The following SPG11 variants were observed in gnomAD, a reference collection of about 807,000 sequenced individuals.
The protein encoded by SPG11 is SPG11 vesicle trafficking associated, spatacsin.
SPG11 carries 222 observed loss-of-function variants against 274.0 expected under a neutral mutation model. The observed-to-expected ratio is 0.81, with a 90% CI of 0.73 to 0.91. The LOEUF (loss-of-function observed/expected upper bound fraction) is 0.91, where lower values mean the gene tolerates loss of function less well. Among genes scored for constraint, SPG11 ranks in the 40% least tolerant of loss-of-function variants. SPG11 has a pLI of 0.00. For synonymous variants in SPG11, 1,144 were observed against 1,039.7 expected (o/e 1.10, Z -1.93); for missense variants, 3,114 against 2,872.7 (o/e 1.08, Z -1.92).
At chr15:44,651,256 T>C (rs935708092) in intron 6 of SPG11, among the ~76,000 whole-genome samples, 3 of 152,170 alleles carry the variant, frequency 2.0e-5, no homozygotes, top group Non-Finnish European at 4.4e-5. Context: ...ATAATAATAA[T>C]AAACTTCATT....
chr15:44,659,130 T>C lies in SPG11; in HGVS notation c.616A>G (p.Thr206Ala), dbSNP rs2085027776. The C allele has an allele frequency of 1.2e-6, 2 of 1,614,212 alleles. No homozygotes were observed. Among genetic ancestry groups the C allele is most frequent in the Admixed American group, 1.7e-5 (1 of 60,030 alleles). ...AAAAGAATTCCTCTGCAGAGCTGCG[T>C]GTCAATAATCATGTCCACTGCCTGT... is the stretch of plus-strand genomic sequence containing the variant. Reference protein sequence around the residue: ...PAQAVDMIIDTQLCRGILFVL... With the variant: ...PAQAVDMIIDAQLCRGILFVL... The change falls in exon 3 of 40, where the codon ACG becomes GCG. Residue 206 changes from threonine (T) to alanine (A), a missense_variant. Transcript: ENST00000261866.
At chr15:44,639,579 C>T (rs1160724975) in intron 7 of SPG11, among the ~76,000 whole-genome samples, 6 of 151,774 alleles carry the variant, frequency 4.0e-5, no homozygotes, top group Non-Finnish European at 5.9e-5. Flanking sequence ...GGTGTGCAAC[C>T]GTAGTCCCAG....
chr15:44,570,180 C>G (rs982653249), intron 34 of SPG11, among the ~76,000 whole-genome samples: 4 of 152,200 alleles, frequency 2.6e-5, no homozygotes, highest in South Asian at 2.1e-4. Context: ...TGCCGACTTA[C>G]TTCAATTCAG....
intron 1 of SPG11, among the ~76,000 whole-genome samples, chr15:44,661,867 C>G (rs1025338246): frequency 6.6e-6 from 1 of 152,166 alleles, no homozygotes; most frequent in African/African-American, 2.4e-5. Context: ...ATACTATAAA[C>G]ATGCCCTTAT....
chr15:44,570,353 AATG>A (rs1053622587), intron 34 of SPG11, among the ~76,000 whole-genome samples, 169 bp downstream of exon 34: 2 of 152,178 alleles, frequency 1.3e-5, no homozygotes, highest in African/African-American at 4.8e-5. Flanking sequence ...TTCTGACAGA[AATG>A]ATAACTTGGA....
At chr15:44,573,514 A>C in intron 32 of SPG11, 33 bp downstream of exon 32, 1 of 1,609,930 alleles carries the variant, frequency 6.2e-7, no homozygotes, top group Non-Finnish European at 8.5e-7. Flanking sequence ...GAATGCTGTC[A>C]GAGAGGTTGG....
In SPG11 at chr15:44,618,017, A is replaced by C. The variant is rs180958971; in HGVS notation, c.2834+2173T>G. Among the ~76,000 whole-genome samples the C allele has an allele frequency of 4.1e-3, 618 of 152,236 alleles. 4 individuals are homozygous for C. Among genetic ancestry groups the C allele is most frequent in the African/African-American group, 0.014 (589 of 41,544 alleles). On this transcript the variant is annotated intron_variant, in intron 15 of 39. Coordinates refer to ENST00000261866, the MANE Select transcript of SPG11 (RefSeq NM_025137.4). ...TATAAATATTTATGATCGGCATGTC[A>C]TAATCCACAAAACAAAAAACAAAAA...
intron 38 of SPG11, among the ~76,000 whole-genome samples, 196 bp downstream of exon 38, chr15:44,565,658 C>T (rs1233458724): frequency 6.6e-6 from 1 of 152,222 alleles, no homozygotes; most frequent in East Asian, 1.9e-4. Context: ...TCTTACCATT[C>T]TCTAACCTCT....
At chr15:44,569,007 A>G (rs1003686111) in intron 35 of SPG11, among the ~76,000 whole-genome samples, 20 of 151,884 alleles carry the variant, frequency 1.3e-4, no homozygotes, top group Admixed American at 5.3e-4. Context: ...CCCCATCTCT[A>G]CTAAAAACAA....
chr15:44,612,933 A>G (rs1451535629), intron 17 of SPG11, among the ~76,000 whole-genome samples: 1 of 152,182 alleles, frequency 6.6e-6, no homozygotes, highest in Non-Finnish European at 1.5e-5. Flanking sequence ...CTAAGTCCTC[A>G]GGGGTAAGAA....
In SPG11 at chr15:44,606,009, AC is replaced by A. The variant is rs1242784617; in HGVS notation, c.3520+15del. On this transcript the variant is annotated intron_variant, in intron 20 of 39. Coordinates refer to ENST00000261866, the MANE Select transcript of SPG11 (RefSeq NM_025137.4). Reference sequence around the variant, plus strand: ...ACTGCTAAAACATGTCTCAAGAAGTACCCATGATGACTTACCTCCTATAGCT... The same window carrying A: ...ACTGCTAAAACATGTCTCAAGAAGTACCATGATGACTTACCTCCTATAGCT... 1.9e-6 allele frequency: 3 copies of A among 1,608,150 alleles called. No individual in the cohort carries two copies. Among genetic ancestry groups the A allele is most frequent in the East Asian group, 4.5e-5 (2 of 44,766 alleles).
In SPG11 at chr15:44,649,024, TAA is replaced by T; in HGVS notation, c.1457-15_1457-14del. The T allele has an allele frequency of 6.2e-7, 1 of 1,608,712 alleles. No individual in the cohort carries two copies. The highest frequency in any genetic ancestry group is 8.5e-7 in the Non-Finnish European group (1 of 1,175,374). ...GAGAGTCCATTCTCTATAGGAAAAA[TAA>T]AAGTTAGCTTTAACAAATTAGATTA... On this transcript the variant is annotated splice_polypyrimidine_tract_variant and intron_variant, in intron 6 of 39. Transcript: ENST00000261866.
chr15:44,626,569 C>T (rs2083905391), intron 10 of SPG11, 62 bp from the exon 11 acceptor site: 1 of 1,515,538 alleles, frequency 6.6e-7, no homozygotes, highest in Non-Finnish European at 9.1e-7. Flanking sequence ...TGATTATCAA[C>T]ATGGGATTAT....
At chr15:44,601,973 A>G (rs1246930334) in intron 20 of SPG11, among the ~76,000 whole-genome samples, 1 of 152,222 alleles carries the variant, frequency 6.6e-6, no homozygotes, top group Non-Finnish European at 1.5e-5. Context: ...TTTGTGTTCT[A>G]TTAAAAAATA....
chr15:44,592,066 A>AT (rs1011868107), intron 27 of SPG11, among the ~76,000 whole-genome samples: 2 of 150,870 alleles, frequency 1.3e-5, no homozygotes, highest in Non-Finnish European at 3.0e-5. Context: ...AGCGGAGATC[A>AT]TGCCACCGCA....
chr15:44,608,746 A>C (rs1329344469), intron 18 of SPG11, 141 bp from the exon 19 acceptor site: 2 of 748,648 alleles, frequency 2.7e-6, no homozygotes, highest in African/African-American at 3.5e-5. Flanking sequence ...AAGTAGTCAT[A>C]AGTTAACAGT....
In SPG11 at chr15:44,572,721, T is replaced by C. The variant is rs531345715; in HGVS notation, c.6305A>G (p.Asp2102Gly). 5 of 1,614,138 alleles carry C rather than the reference T, an allele frequency of 3.1e-6. No individual in the cohort carries two copies. Among genetic ancestry groups the C allele is most frequent in the African/African-American group, 1.3e-5 (1 of 75,048 alleles). The change falls in exon 33 of 40, where the codon GAT (aspartate) becomes GGT (glycine). Residue 2102 changes from aspartate to glycine, a missense_variant. Asp to Gly is a moderately conservative substitution (Grantham distance 94). Coordinates refer to ENST00000261866, the MANE Select transcript of SPG11 (RefSeq NM_025137.4). ...CCCATGGGGAACGGAGGAAATCTTA[T>C]CCAACAACTTCATGCCTACCAATGT... ...DRTLVGMKLL[D>G]KISSVPHGEL...
At chr15:44,580,045 C>T (rs1406245806) in intron 30 of SPG11, among the ~76,000 whole-genome samples, 1 of 152,180 alleles carries the variant, frequency 6.6e-6, no homozygotes, top group Non-Finnish European at 1.5e-5. Context: ...GCTCCATTAA[C>T]GTTAAGAGCC....
chr15:44,570,559 TTATC>T lies in SPG11; in HGVS notation c.6439_6442del (p.Asp2147ThrfsTer25). On this transcript the variant is annotated frameshift_variant, in exon 34 of 40. Coordinates refer to ENST00000261866, the MANE Select transcript of SPG11 (RefSeq NM_025137.4). LOFTEE classifies it high-confidence loss of function. ...ATACTCCTCACTGGGGGCCAGGTGG[TTATC>T]TGTGAGCATGTGGGCGGCCTGTAGG... 1.9e-6 allele frequency: 3 copies of T among 1,614,110 alleles called. No homozygotes were observed. The highest frequency in any genetic ancestry group is 2.5e-6 in the Non-Finnish European group (3 of 1,180,006).
Sources: allele counts gnomAD v4.1 joint callset (sites outside exome capture counted in the v4.1 genomes callset), GRCh38; gene constraint gnomAD v4.1.1; transcripts MANE v1.5; gene names NCBI Gene and HGNC (gene_info 2026-07-23, HGNC 2026-07-21).